Variants in A2ML1 observed in about 807,000 individuals in gnomAD.
The protein encoded by A2ML1 is alpha-2-macroglobulin-like protein 1.
Under a neutral mutation model 181.9 loss-of-function variants are expected in A2ML1, and 161 were observed. That is an observed-to-expected ratio of 0.89 (90% CI 0.78 to 1.01). The LOEUF (loss-of-function observed/expected upper bound fraction) is 1.01. Among genes scored for constraint, A2ML1 ranks in the 50% least tolerant of loss-of-function variants. The pLI is 0.00. For missense variants in A2ML1, 1,670 were observed against 1,768.1 expected (o/e 0.94, Z 1.00); for synonymous variants, 663 against 666.8 (o/e 0.99, Z 0.09).
intron 4 of A2ML1, among the ~76,000 whole-genome samples, chr12:8,833,703 G>C (rs761637700): frequency 6.6e-6 from 1 of 152,090 alleles, no homozygotes; most frequent in Non-Finnish European, 1.5e-5. Context: ...GCCTAAAGAA[G>C]TGTTTGTTTG....
Position 8,850,187 on chromosome 12 carries a change from A to T in A2ML1, c.2147A>T (p.Glu716Val). ...GAGGGHPEAFESSTPLHQAED... is the reference protein window; with the variant it reads ...GAGGGHPEAFVSSTPLHQAED... The stretch of plus-strand genomic sequence containing the variant: ...GGCGGTGGTCATCCAGAGGCTTTTG[A>T]GTCATCAACTCCTTTACATCAAGCA... The change falls in exon 18 of 36, where the codon GAG (glutamate) becomes GTG (valine). Residue 716 changes from glutamate to valine, a missense_variant. By Grantham distance (121) the Glu-to-Val change is moderately radical. Transcript: ENST00000299698. 6.2e-7 allele frequency: 1 copy of T among 1,612,236 alleles called. No homozygotes were observed. Among genetic ancestry groups the T allele is most frequent in the Non-Finnish European group, 8.5e-7 (1 of 1,179,466 alleles).
At chr12:8,879,340 A>G (rs896667011), downstream of A2ML1, among the ~76,000 whole-genome samples, 1 of 151,786 alleles carries the variant, frequency 6.6e-6, no homozygotes, top group Non-Finnish European at 1.5e-5. Flanking sequence ...AAATATACAA[A>G]ATTAGCTGGG....
rs766465852 is a variant in A2ML1 at position 8,847,676 on chromosome 12, A to G, written c.1811A>G (p.Asp604Gly). Residue 604 changes from aspartate (D) to glycine (G), a missense_variant, in exon 15 of 36, where the codon GAC becomes GGC. Coordinates refer to ENST00000299698, the MANE Select transcript of A2ML1 (RefSeq NM_144670.6). ...VDESVLLLRPDRELSNRSVYG... is the reference protein window; with the variant it reads ...VDESVLLLRPGRELSNRSVYG... ...GAGAGTGTCTTACTGCTTAGGCCAG[A>G]CAGAGAGCTGAGCAACCGCTCTGTG... The G allele has an allele frequency of 6.2e-7, 1 of 1,612,534 alleles. No individual in the cohort carries two copies. Among genetic ancestry groups the G allele is most frequent in the South Asian group, 1.1e-5 (1 of 90,848 alleles).
intron 11 of A2ML1, 38 bp downstream of exon 11, chr12:8,841,574 G>A (rs764006628): frequency 3.2e-6 from 5 of 1,576,566 alleles, no homozygotes; most frequent in Admixed American, 3.7e-5. Context: ...TAGAAAGGAA[G>A]GCTTCCCTGA....
rs778132993 is a variant in A2ML1, at chr12:8,829,654, CA to C, written c.410-51del. On this transcript the variant is annotated intron_variant, in intron 3 of 35. Coordinates refer to ENST00000299698, the MANE Select transcript of A2ML1 (RefSeq NM_144670.6). Reference sequence around the variant, plus strand: ...TGGGTGACAGAGTGAGACCCTGTATCAAAAAAAAAAAAAAAAAAAAAATTCT... The same window carrying C: ...TGGGTGACAGAGTGAGACCCTGTATCAAAAAAAAAAAAAAAAAAAAATTCT... 0.2 allele frequency: 217,475 copies of C among 1,097,962 alleles called. 48 individuals carry two copies. Among genetic ancestry groups the C allele is most frequent in the Middle Eastern group, 0.22 (784 of 3,618 alleles). 68.0% of individuals were successfully genotyped at this position (1,097,962 alleles called of 1,614,324 possible). A position where few individuals can be genotyped will look rare whatever the true frequency, so the allele number is the denominator to read the frequency against.
intron 33 of A2ML1, among the ~76,000 whole-genome samples, chr12:8,870,362 G>T (rs1944578093): frequency 6.6e-6 from 1 of 152,098 alleles, no homozygotes; most frequent in Admixed American, 6.5e-5. Flanking sequence ...CTGCCTCCCG[G>T]GTTCATGCCA....
Position 8,846,145 on chromosome 12 carries a change from A to G in A2ML1, c.1606A>G (p.Ile536Val). ...SRLAPDPSLVIYAIFPSGGVV... is the reference protein window; with the variant it reads ...SRLAPDPSLVVYAIFPSGGVV... Reference sequence around the variant, plus strand: ...ACTGGCCCCTGATCCTTCCCTGGTGATCTATGCCATTTTTCCCAGTGGAGG... The same window carrying G: ...ACTGGCCCCTGATCCTTCCCTGGTGGTCTATGCCATTTTTCCCAGTGGAGG... Residue 536 changes from isoleucine (I) to valine (V), a missense_variant, in exon 14 of 36, where the codon ATC (isoleucine) becomes GTC (valine). Transcript: ENST00000299698. 6.2e-7 allele frequency: 1 copy of G among 1,614,084 alleles called. No individual in the cohort carries two copies. The highest frequency in any genetic ancestry group is 8.5e-7 in the Non-Finnish European group (1 of 1,180,004).
intron 3 of A2ML1, among the ~76,000 whole-genome samples, chr12:8,828,723 C>T (rs1348876841): frequency 6.6e-6 from 1 of 152,170 alleles, no homozygotes; most frequent in Non-Finnish European, 1.5e-5. Context: ...CACTGGAAGC[C>T]AGCATGTCTC....
rs199779757 is a variant in A2ML1 at position 8,847,643 on chromosome 12, C to T, written c.1778C>T (p.Ala593Val). The change falls in exon 15 of 36, where the codon GCG becomes GTG. Residue 593 changes from alanine to valine, a missense_variant. Physicochemically the swap from Ala to Val is moderately conservative, Grantham distance 64. Coordinates refer to ENST00000299698, the MANE Select transcript of A2ML1 (RefSeq NM_144670.6). The stretch of plus-strand genomic sequence containing the variant: ...CCCGGATCCCTGTGTGCGCTCCGGG[C>T]GGTGGATGAGAGTGTCTTACTGCTT... Reference protein sequence around the residue: ...AAPGSLCALRAVDESVLLLRP... With the variant: ...AAPGSLCALRVVDESVLLLRP... 15 of 1,613,772 alleles carry T rather than the reference C, an allele frequency of 9.3e-6. No individual in the cohort carries two copies. Among genetic ancestry groups the T allele is most frequent in the East Asian group, 2.2e-5 (1 of 44,824 alleles).
chr12:8,838,427 C>G lies in A2ML1; in HGVS notation c.947C>G (p.Ala316Gly), dbSNP rs779544502. The G allele has an allele frequency of 8.1e-6, 13 of 1,613,664 alleles. No individual in the cohort carries two copies. The highest frequency in any genetic ancestry group is 9.3e-6 in the Non-Finnish European group (11 of 1,179,794). The change falls in exon 9 of 36, where the codon GCT (alanine) becomes GGT (glycine). Residue 316 changes from alanine (A) to glycine (G), a missense_variant. Physicochemically the swap from Ala to Gly is moderately conservative, Grantham distance 60. Coordinates refer to ENST00000299698, the MANE Select transcript of A2ML1 (RefSeq NM_144670.6). ...YAYSHQINIV[A>G]TVVEEGTGVE... ...TACAGCCATCAAATCAATATTGTGG[C>G]TACTGTTGTGGAGGAAGGGACAGGT...
intron 4 of A2ML1, among the ~76,000 whole-genome samples, chr12:8,833,826 C>T (rs1213024805): frequency 6.6e-6 from 1 of 152,090 alleles, no homozygotes; most frequent in Non-Finnish European, 1.5e-5. Flanking sequence ...ATCCTTAGAT[C>T]TCCTTATTTT....
At chr12:8,886,801 A>T (rs1213951369) in exon 8 of A2ML1, 1 of 152,110 alleles carries the variant, frequency 6.6e-6, no homozygotes, top group Non-Finnish European at 1.5e-5. Flanking sequence ...TTACCACTTT[A>T]AAGGCCCTGT....
At chr12:8,869,092 G>T in intron 32 of A2ML1, 43 bp from the exon 33 acceptor site, 1 of 1,596,424 alleles carries the variant, frequency 6.3e-7, no homozygotes, top group Non-Finnish European at 8.6e-7. Flanking sequence ...CCCAGGGAAG[G>T]CTCTGGCTCT....
chr12:8,853,874 G>T (rs1217698603), intron 20 of A2ML1, among the ~76,000 whole-genome samples: 3 of 152,164 alleles, frequency 2.0e-5, no homozygotes, highest in Non-Finnish European at 4.4e-5. Flanking sequence ...CACACTCAAT[G>T]GATGTAAATA....
rs1476721052 is a variant in A2ML1 at position 8,823,772 on chromosome 12, G to A, written c.299G>A (p.Gly100Glu). 2 of 1,614,096 alleles carry A rather than the reference G, an allele frequency of 1.2e-6. No individual in the cohort carries two copies. Among genetic ancestry groups the A allele is most frequent in the Admixed American group, 1.7e-5 (1 of 60,002 alleles). Residue 100 changes from glycine to glutamate, a missense_variant, in exon 3 of 36, where the codon GGA becomes GAA. Physicochemically the swap from Gly to Glu is moderately conservative, Grantham distance 98. Coordinates refer to ENST00000299698, the MANE Select transcript of A2ML1 (RefSeq NM_144670.6). ...GAAGTGGCCACAATCCGGGTGTCGGGAGTTGGAAATAACATCAGCTTTGAG... is the reference window on the plus strand; with the variant it reads ...GAAGTGGCCACAATCCGGGTGTCGGAAGTTGGAAATAACATCAGCTTTGAG... ...TEEVATIRVS[G>E]VGNNISFEEK...
At chr12:8,866,589 AC>A (rs775580989) in intron 29 of A2ML1, among the ~76,000 whole-genome samples, 84 of 152,256 alleles carry the variant, frequency 5.5e-4, no homozygotes, top group African/African-American at 1.9e-3. Context: ...ATCATATATT[AC>A]CCACACTGGT....
chr12:8,836,093 G>A (rs931324915), intron 6 of A2ML1, among the ~76,000 whole-genome samples, 162 bp from the exon 7 acceptor site: 3 of 150,942 alleles, frequency 2.0e-5, no homozygotes, highest in Non-Finnish European at 4.4e-5. Context: ...TTTTTGAATC[G>A]ATGCTGAACC....
At chr12:8,868,457 CGT>C (rs3079166) in intron 31 of A2ML1, 78 bp from the exon 32 acceptor site, 1,668 of 1,431,842 alleles carry the variant, frequency 1.2e-3, no homozygotes, top group East Asian at 5.8e-3. Context: ...TGTGTGTGTA[CGT>C]GTGTGTGTGT....
chr12:8,858,540 T>C (rs1301169853), intron 26 of A2ML1, among the ~76,000 whole-genome samples: 1 of 152,146 alleles, frequency 6.6e-6, no homozygotes, highest in Admixed American at 6.5e-5. Context: ...GAGCCGTGAT[T>C]GCACCACTGC....
Sources: gnomAD v4.1 joint callset for allele counts (sites outside exome capture counted in the v4.1 genomes callset) on GRCh38, gnomAD v4.1.1 for gene constraint, MANE v1.5 for transcripts, NCBI Gene and HGNC (gene_info 2026-07-23, HGNC 2026-07-21) for gene names.